DTNB: variants seen among roughly 807,000 people sequenced by gnomAD.
DTNB encodes the protein dystrobrevin beta, also known as DTN-B.
Under a neutral mutation model 90.7 loss-of-function variants are expected in DTNB, and 63 were observed. That is an observed-to-expected ratio of 0.69 (90% CI 0.57 to 0.86). DTNB has a LOEUF of 0.86. Among genes scored for constraint, DTNB ranks in the 40% least tolerant of loss-of-function variants. The pLI is 0.00. For missense variants in DTNB, 744 were observed against 807.1 expected, an observed-to-expected ratio of 0.92 and a Z score of 0.95; for synonymous variants, 277 against 286.7, an observed-to-expected ratio of 0.97 and a Z score of 0.34.
chr2:25,622,598 C>T (rs6546314), intron 4 of DTNB, among the ~76,000 whole-genome samples: 24,956 of 152,088 alleles, frequency 0.16, 2,617 homozygotes, highest in East Asian at 0.57. Context: ...AACCTGATCC[C>T]CTTTTCTTCC....
At chr2:25,381,418 T>C (rs1329917046) in intron 19 of DTNB, among the ~76,000 whole-genome samples, 1 of 152,190 alleles carries the variant, frequency 6.6e-6, no homozygotes, top group Non-Finnish European at 1.5e-5. Context: ...TTTGCTCTGT[T>C]ATCCAGGCTG....
intron 9 of DTNB, among the ~76,000 whole-genome samples, chr2:25,494,865 G>A (rs556643411): frequency 6.6e-6 from 1 of 151,678 alleles, no homozygotes; most frequent in East Asian, 1.9e-4. Context: ...CACAGTTAGC[G>A]CTAGGAGGGG....
intron 5 of DTNB, among the ~76,000 whole-genome samples, chr2:25,601,865 T>C (rs2065955728): frequency 6.6e-6 from 1 of 152,102 alleles, no homozygotes; most frequent in African/African-American, 2.4e-5. Context: ...CTCATGCCTG[T>C]AATTCTAACA....
chr2:25,635,283 T>C (rs2076903050), intron 3 of DTNB, among the ~76,000 whole-genome samples: 1 of 151,762 alleles, frequency 6.6e-6, no homozygotes, highest in Admixed American at 6.6e-5. Flanking sequence ...ATACAAAAGT[T>C]AGCTGGGTAT....
chr2:25,519,367 CTTTTTTT>C (rs1197635484), intron 9 of DTNB, among the ~76,000 whole-genome samples: 1 of 126,486 alleles, frequency 7.9e-6, no homozygotes, highest in African/African-American at 2.9e-5. Context: ...CCTGTTTCTA[CTTTTTTT>C]TTTTTTTTTT....
intron 12 of DTNB, among the ~76,000 whole-genome samples, chr2:25,443,177 A>G (rs1277994298): frequency 6.6e-6 from 1 of 152,238 alleles, no homozygotes; most frequent in African/African-American, 2.4e-5. Context: ...AAAAGGGATC[A>G]GAGGATCATA....
At chr2:25,471,402 T>C (rs951093994) in intron 10 of DTNB, among the ~76,000 whole-genome samples, 2 of 151,188 alleles carry the variant, frequency 1.3e-5, no homozygotes, top group Admixed American at 1.3e-4. Context: ...TTTTTTTTTT[T>C]TCCCGAGACG....
At chr2:25,642,099 C>G (rs2078456609) in intron 2 of DTNB, among the ~76,000 whole-genome samples, 1 of 152,170 alleles carries the variant, frequency 6.6e-6, no homozygotes, top group Non-Finnish European at 1.5e-5. Flanking sequence ...GGATTACAGG[C>G]ATGAGCCACC....
chr2:25,613,894 G>T (rs2148582469), intron 4 of DTNB, among the ~76,000 whole-genome samples: 1 of 152,240 alleles, frequency 6.6e-6, no homozygotes, highest in South Asian at 2.1e-4. Flanking sequence ...GGAAGTGGAG[G>T]TTGCAGTGAG....
chr2:25,401,741 T>C (rs2149651623), intron 16 of DTNB, among the ~76,000 whole-genome samples: 2 of 152,334 alleles, frequency 1.3e-5, no homozygotes, highest in Middle Eastern at 6.8e-3. Context: ...CTGCAGAGCA[T>C]TCATAACTGC....
At chr2:25,412,018 A>G (rs1274105322) in intron 16 of DTNB, among the ~76,000 whole-genome samples, 2 of 152,310 alleles carry the variant, frequency 1.3e-5, no homozygotes, top group East Asian at 1.9e-4. Flanking sequence ...GAGGCATGCT[A>G]ACATCAAGGG....
intron 16 of DTNB, among the ~76,000 whole-genome samples, chr2:25,402,729 G>A (rs1007497953): frequency 2.0e-5 from 3 of 152,196 alleles, no homozygotes; most frequent in South Asian, 2.1e-4. Flanking sequence ...GGCTGGTGAG[G>A]CAAGCTGCGG....
chr2:25,534,011 T>A (rs13424814), intron 8 of DTNB, among the ~76,000 whole-genome samples: 12 of 151,070 alleles, frequency 7.9e-5, no homozygotes, highest in African/African-American at 9.7e-5. Flanking sequence ...AATTTTTTTT[T>A]AAGTATTTAT....
chr2:25,536,812 G>A (rs370990773), intron 8 of DTNB, among the ~76,000 whole-genome samples: 131 of 152,164 alleles, frequency 8.6e-4, no homozygotes, highest in African/African-American at 2.7e-3. Flanking sequence ...GGGTGATCTC[G>A]GCTCACTGCA....
chr2:25,493,398 A>G (rs650407), intron 9 of DTNB, among the ~76,000 whole-genome samples: 150,019 of 152,266 alleles, frequency 0.99, 73,943 homozygotes, highest in East Asian at 1. Context: ...TCTTCTTTTA[A>G]ATGATGCAGC....
chr2:25,658,777 C>A (rs1041246845), intron 1 of DTNB, among the ~76,000 whole-genome samples: 25 of 152,182 alleles, frequency 1.6e-4, no homozygotes, highest in East Asian at 5.8e-4. Flanking sequence ...AGGCAGTGAA[C>A]TGAGTAGGTG....
intron 3 of DTNB, among the ~76,000 whole-genome samples, chr2:25,629,182 T>A (rs2075137928): frequency 6.6e-6 from 1 of 152,190 alleles, no homozygotes; most frequent in South Asian, 2.1e-4. Context: ...ATAATTTTAA[T>A]GTGTTGAAAA....
intron 10 of DTNB, among the ~76,000 whole-genome samples, chr2:25,466,587 G>A (rs542918661): frequency 9.8e-5 from 15 of 152,330 alleles, no homozygotes; most frequent in African/African-American, 3.1e-4. Context: ...CGAGTGCTGC[G>A]CTGAGGTGGC....
Position 25,385,779 on chromosome 2 carries a change from C to T in DTNB, c.1825+1510G>A, listed in dbSNP as rs541040003. Among the ~76,000 whole-genome samples the T allele has an allele frequency of 7.2e-5, 11 of 152,338 alleles. No individual in the cohort carries two copies. In the South Asian group the frequency reaches 2.3e-3, roughly 32 times the overall value. ...TTACTATGAGACACTGCTGAGGATT[C>T]CTATAAGCTTTACATTTTTGTGAAG... On this transcript the variant is annotated intron_variant, in intron 18 of 20. Coordinates refer to ENST00000406818, the MANE Select transcript of DTNB (RefSeq NM_021907.5).
Sources: allele counts gnomAD v4.1 joint callset (sites outside exome capture counted in the v4.1 genomes callset), GRCh38; gene constraint gnomAD v4.1.1; transcripts MANE v1.5; gene names NCBI Gene and HGNC (gene_info 2026-07-23, HGNC 2026-07-21).